CAMKK2: variants seen among roughly 807,000 people sequenced by gnomAD.
CAMKK2 encodes the protein calcium/calmodulin-dependent protein kinase kinase 2.
A neutral mutation model predicts 67.2 loss-of-function variants in CAMKK2; 30 were observed. The ratio of observed to expected loss-of-function variants is 0.45; its 90% CI spans 0.33 to 0.61. CAMKK2 has a LOEUF of 0.61. Ranked by LOEUF, CAMKK2 falls within the 20% of genes least tolerant of loss-of-function variation. The pLI, the probability that CAMKK2 is intolerant of heterozygous loss-of-function variation, is 0.02. For synonymous variants in CAMKK2, 322 were observed against 326.2 expected (o/e 0.99, Z 0.14); for missense variants, 643 against 802.0 (o/e 0.80, Z 2.39).
At chr12:121,293,448 G>A (rs1190449229) in intron 1 of CAMKK2, among the ~76,000 whole-genome samples, 3 of 151,948 alleles carry the variant, frequency 2.0e-5, no homozygotes, top group African/African-American at 7.3e-5. Context: ...AGGTGACCCT[G>A]AGCAAATTAC....
chr12:121,256,875 T>A (rs1389754405), intron 7 of CAMKK2, among the ~76,000 whole-genome samples: 1 of 152,226 alleles, frequency 6.6e-6, no homozygotes, highest in Non-Finnish European at 1.5e-5. Context: ...TTCGTGTACA[T>A]GGATATGTTC....
Position 121,245,314 on chromosome 12 carries a change from C to G in CAMKK2, c.1453-74G>C. 1.1e-6 allele frequency: 1 copy of G among 895,282 alleles called. No individual in the cohort carries two copies. The highest frequency in any genetic ancestry group is 1.4e-5 in the South Asian group (1 of 70,394). The allele number at this position is 895,282 out of a possible 1,614,324, so 55.5% of individuals were successfully genotyped here. A position where few individuals can be genotyped will look rare whatever the true frequency, so the allele number is the denominator to read the frequency against. On this transcript the variant is annotated intron_variant, in intron 14 of 16. Transcript: ENST00000404169. This position sits in a 1 kb window ranked among gnomAD's most constrained non-coding sequence, Gnocchi z 5.8. ...GGGGCGATTCTGGGCAACATCCTCC[C>G]TCTTCCTTCTCCCCAGCCCCTGCCA...
At chr12:121,294,963 A>T (rs912186900) in intron 1 of CAMKK2, among the ~76,000 whole-genome samples, 3 of 152,186 alleles carry the variant, frequency 2.0e-5, no homozygotes, top group Non-Finnish European at 4.4e-5. Flanking sequence ...TGAGGTAAGG[A>T]GTTCAAGACC....
chr12:121,249,834 T>C lies in CAMKK2; in HGVS notation c.1276A>G (p.Met426Val). 1 of 1,614,130 alleles carries C rather than the reference T, an allele frequency of 6.2e-7. No individual in the cohort carries two copies. Among genetic ancestry groups the C allele is most frequent in the Non-Finnish European group, 8.5e-7 (1 of 1,180,010 alleles). The part of the protein sequence containing the change: ...AEDLKDLITR[M>V]LDKNPESRIV... Reference sequence around the variant, plus strand: ...CTCGACTCGGGGTTCTTGTCCAGCATACGGGTGATCAGGTCCTTCAAGTCC... The same window carrying C: ...CTCGACTCGGGGTTCTTGTCCAGCACACGGGTGATCAGGTCCTTCAAGTCC... The change falls in exon 13 of 17, where the codon ATG becomes GTG. Residue 426 changes from methionine to valine, a missense_variant. Physicochemically the swap from Met to Val is conservative, Grantham distance 21. This residue lies in a region of CAMKK2 where 483 missense variants were observed against 625.8 expected (regional missense o/e 0.77). Transcript: ENST00000404169.
chr12:121,244,896 C>G (rs182381413), intron 15 of CAMKK2, among the ~76,000 whole-genome samples: 389 of 152,326 alleles, frequency 2.6e-3, no homozygotes, highest in Non-Finnish European at 4.4e-3. Flanking sequence ...GACCAAGAGC[C>G]CCCCAGCTAC....
chr12:121,273,314 G>A (rs916078858), intron 2 of CAMKK2, among the ~76,000 whole-genome samples: 4 of 152,022 alleles, frequency 2.6e-5, no homozygotes, highest in African/African-American at 7.2e-5. Context: ...CGAGAGTACA[G>A]ACCCAAGGCA....
intron 16 of CAMKK2, among the ~76,000 whole-genome samples, chr12:121,243,111 G>A (rs187043758): frequency 1.0e-3 from 154 of 150,154 alleles, no homozygotes; most frequent in African/African-American, 3.3e-3. Context: ...TCAGCTCACC[G>A]CAACCTCCAC....
chr12:121,275,820 T>C (rs1054587177), intron 1 of CAMKK2, among the ~76,000 whole-genome samples: 1 of 152,154 alleles, frequency 6.6e-6, no homozygotes, highest in African/African-American at 2.4e-5. Context: ...GCCACTGAAC[T>C]ATACACTTCA....
upstream of CAMKK2, chr12:121,297,537 A>G: frequency 2.0e-6 from 1 of 496,472 alleles, no homozygotes; most frequent in South Asian, 1.4e-5. Context: ...TTTGGCACTT[A>G]CTTTGCTGGA....
At chr12:121,252,811 T>A in intron 10 of CAMKK2, 97 bp from the exon 11 acceptor site, 1 of 1,263,432 alleles carries the variant, frequency 7.9e-7, no homozygotes, top group Non-Finnish European at 1.1e-6. Context: ...CTTTCAGCCC[T>A]TGGAGTTGGG....
Position 121,241,173 on chromosome 12 carries a change from G to A in CAMKK2, c.1597-304C>T, listed in dbSNP as rs543657403. Among the ~76,000 whole-genome samples, 144 of 152,222 alleles carry A rather than the reference G, an allele frequency of 9.5e-4. 1 individual carries two copies. The highest frequency in any genetic ancestry group is 3.4e-3 in the African/African-American group (142 of 41,540). ...CCAAAATTCACTGCACAAATCCCAA[G>A]TAGAAGGCACCCCCCACCCCACGGC... On this transcript the variant is annotated intron_variant, in intron 16 of 16. Coordinates refer to ENST00000404169, the MANE Select transcript of CAMKK2 (RefSeq NM_001270485.2).
At chr12:121,267,733 A>G (rs993215389) in intron 5 of CAMKK2, among the ~76,000 whole-genome samples, 2 of 151,544 alleles carry the variant, frequency 1.3e-5, no homozygotes, top group Admixed American at 1.3e-4. Flanking sequence ...ACCTCAAGTG[A>G]TCCACTCGCC....
rs771403751 is a variant in CAMKK2, at chr12:121,274,334, C to G, written c.193G>C (p.Asp65His). The part of the protein sequence containing the change: ...VTECEPGCAV[D>H]LGLARDRPLE... Reference sequence around the variant, plus strand: ...GGCCGGTCCCGCGCCAAGCCGAGGTCCACAGCACAGCCCGGCTCACACTCG... The same window carrying G: ...GGCCGGTCCCGCGCCAAGCCGAGGTGCACAGCACAGCCCGGCTCACACTCG... The change falls in exon 2 of 17, where the codon GAC becomes CAC. Residue 65 changes from aspartate to histidine, a missense_variant. By Grantham distance (81) the Asp-to-His change is moderately conservative. This residue lies in a region of CAMKK2 where 483 missense variants were observed against 625.8 expected (regional missense o/e 0.77). Transcript: ENST00000404169. 1.2e-6 allele frequency: 2 copies of G among 1,613,440 alleles called. No individual in the cohort carries two copies. Among genetic ancestry groups the G allele is most frequent in the Non-Finnish European group, 1.7e-6 (2 of 1,179,870 alleles).
At chr12:121,268,303 C>T (rs549164655) in intron 5 of CAMKK2, among the ~76,000 whole-genome samples, 46 of 152,012 alleles carry the variant, frequency 3.0e-4, no homozygotes, top group South Asian at 2.1e-4. Context: ...CTGAGTCATA[C>T]GGTAACACCA....
chr12:121,283,234 G>A (rs1218199468), intron 1 of CAMKK2, among the ~76,000 whole-genome samples: 3 of 152,178 alleles, frequency 2.0e-5, no homozygotes, highest in African/African-American at 2.4e-5. Context: ...CTGCATCCAC[G>A]GAGGCGGTGC....
intron 1 of CAMKK2, among the ~76,000 whole-genome samples, chr12:121,280,274 T>G (rs1897523484): frequency 6.6e-6 from 1 of 152,228 alleles, no homozygotes; most frequent in African/African-American, 2.4e-5. Flanking sequence ...AAACATAAAT[T>G]GTAAAGATTT....
At position 121,240,828 on chromosome 12, in the gene CAMKK2, G is replaced by C. The variant is rs761061805; in HGVS notation, c.1638C>G (p.Ala546=). 1.2e-6 allele frequency: 2 copies of C among 1,612,398 alleles called. No homozygotes were observed. The highest frequency in any genetic ancestry group is 1.3e-5 in the African/African-American group (1 of 75,054). Residue 546 remains alanine, a synonymous_variant, in exon 17 of 17, where the codon GCC becomes GCG. Coordinates refer to ENST00000404169, the MANE Select transcript of CAMKK2 (RefSeq NM_001270485.2). This position sits in a 1 kb window ranked among gnomAD's most constrained non-coding sequence, Gnocchi z 4.4. ...GAGCACTTCCTCCTCCCCCACGGGGGGCGGGTCGGTGCCCTGGAGGTTGTC... is the reference window on the plus strand; with the variant it reads ...GAGCACTTCCTCCTCCCCCACGGGGCGCGGGTCGGTGCCCTGGAGGTTGTC... The part of the protein sequence containing the change: ...QRRQPPGHRP[A]PRGGGGSALV...
At chr12:121,248,311 C>T (rs932161732) in intron 14 of CAMKK2, among the ~76,000 whole-genome samples, 8 of 152,336 alleles carry the variant, frequency 5.3e-5, no homozygotes, top group African/African-American at 1.7e-4. Flanking sequence ...CTCCGGCTCC[C>T]AACCCTTGCC....
At chr12:121,286,876 A>G (rs1898847879) in intron 1 of CAMKK2, among the ~76,000 whole-genome samples, 1 of 151,602 alleles carries the variant, frequency 6.6e-6, no homozygotes, top group Non-Finnish European at 1.5e-5. Flanking sequence ...CAGTTACTGA[A>G]TTCACGACCC....
Sources: gnomAD v4.1 joint callset for allele counts (sites outside exome capture counted in the v4.1 genomes callset) on GRCh38, gnomAD v4.1.1 for gene constraint, gnomAD v4.1.1 regional missense constraint, Gnocchi (gnomAD v3.1) non-coding constraint, MANE v1.5 for transcripts, NCBI Gene and HGNC (gene_info 2026-07-23, HGNC 2026-07-21) for gene names.